CD96: variants seen among roughly 807,000 people sequenced by gnomAD.
The protein encoded by CD96 is T-cell surface protein tactile.
A neutral mutation model predicts 71.3 loss-of-function variants in CD96; 70 were observed. The observed-to-expected ratio is 0.98, with a 90% CI of 0.81 to 1.20. The LOEUF is 1.20. CD96 is among the 50% of genes most tolerant of loss of function. CD96 has a pLI of 0.00. For synonymous variants in CD96, 248 were observed against 233.0 expected, an observed-to-expected ratio of 1.06 and a Z score of -0.59; for missense variants, 742 against 677.5, an observed-to-expected ratio of 1.10 and a Z score of -1.06.
At chr3:111,602,590 T>A (rs1445481573) in intron 7 of CD96, among the ~76,000 whole-genome samples, 1 of 152,224 alleles carries the variant, frequency 6.6e-6, no homozygotes, top group African/African-American at 2.4e-5. Context: ...GAAGATGTAG[T>A]CAAGGCTCTA....
At chr3:111,664,809 T>C (rs1940442612) in intron 14 of CD96, among the ~76,000 whole-genome samples, 1 of 152,186 alleles carries the variant, frequency 6.6e-6, no homozygotes, top group African/African-American at 2.4e-5. Flanking sequence ...TAACTCTAGA[T>C]TGAATCCTGT....
intron 10 of CD96, among the ~76,000 whole-genome samples, chr3:111,636,786 G>T (rs1939349265): frequency 6.6e-6 from 1 of 152,186 alleles, no homozygotes; most frequent in Non-Finnish European, 1.5e-5. Context: ...CGTCCCCTAT[G>T]CATGTTCTAG....
Position 111,567,598 on chromosome 3 carries a change from A to C in CD96, c.494A>C (p.Gln165Pro). Residue 165 changes from glutamine (Q) to proline (P), a missense_variant, in exon 3 of 14, where the codon CAA becomes CCA. Transcript: ENST00000352690. ...CAGACTCTGGAAATACCATGCTTTC[A>C]AAATAGCTCCTCAAAAATTTCATCT... ...INQTLEIPCF[Q>P]NSSSKISSEF... 6.2e-7 allele frequency: 1 copy of C among 1,612,554 alleles called. No individual in the cohort carries two copies. Among genetic ancestry groups the C allele is most frequent in the Non-Finnish European group, 8.5e-7 (1 of 1,178,530 alleles).
intron 8 of CD96, among the ~76,000 whole-genome samples, chr3:111,614,323 G>A (rs1025823145): frequency 6.6e-6 from 1 of 152,086 alleles, no homozygotes; most frequent in African/African-American, 2.4e-5. Flanking sequence ...CCCTCTTTAT[G>A]GGGAATGGCG....
chr3:111,585,857 A>G (rs1238568830), intron 5 of CD96, among the ~76,000 whole-genome samples: 2 of 152,098 alleles, frequency 1.3e-5, no homozygotes, highest in Non-Finnish European at 2.9e-5. Context: ...CTTTGGTAGT[A>G]ATGAAGAAGG....
intron 5 of CD96, chr3:111,593,470 T>G: frequency 6.7e-7 from 1 of 1,486,354 alleles, no homozygotes; most frequent in Non-Finnish European, 8.9e-7. Flanking sequence ...TGCTTTACAT[T>G]TGAGTTGAAA....
chr3:111,624,244 C>A, intron 9 of CD96, 89 bp from the exon 10 acceptor site: 1 of 877,790 alleles, frequency 1.1e-6, no homozygotes, highest in South Asian at 1.3e-5. Flanking sequence ...TCCCCAAAGT[C>A]ACATAGATTA....
At chr3:111,580,859 T>C (rs1303307809) in intron 4 of CD96, among the ~76,000 whole-genome samples, 2 of 152,208 alleles carry the variant, frequency 1.3e-5, no homozygotes, top group South Asian at 2.1e-4. Context: ...ACTGTCTTAG[T>C]GCAAACATGA....
intron 14 of CD96, among the ~76,000 whole-genome samples, chr3:111,660,623 A>C (rs1030538673): frequency 2.0e-5 from 3 of 152,266 alleles, no homozygotes; most frequent in Non-Finnish European, 1.5e-5. Context: ...AAATTATACT[A>C]TAAAGCTACA....
intron 4 of CD96, among the ~76,000 whole-genome samples, chr3:111,583,563 G>T (rs1293483682): frequency 6.6e-6 from 1 of 152,252 alleles, no homozygotes; most frequent in African/African-American, 2.4e-5. Flanking sequence ...CTTTTGCTGG[G>T]TATTCAGACA....
At chr3:111,601,795 C>T (rs1440856706) in intron 7 of CD96, among the ~76,000 whole-genome samples, 2 of 152,158 alleles carry the variant, frequency 1.3e-5, no homozygotes, top group Non-Finnish European at 2.9e-5. Context: ...AACAGTTTTT[C>T]TTTGTTACAA....
At chr3:111,586,234 A>G (rs1936707308) in intron 5 of CD96, among the ~76,000 whole-genome samples, 1 of 152,190 alleles carries the variant, frequency 6.6e-6, no homozygotes. Context: ...TAAAAACCCT[A>G]AGTAAAAAAT....
intron 2 of CD96, among the ~76,000 whole-genome samples, chr3:111,566,674 A>G (rs547639645): frequency 6.6e-6 from 1 of 152,296 alleles, no homozygotes; most frequent in South Asian, 2.1e-4. Flanking sequence ...ATGTATGTAT[A>G]TAAAACTTTC....
At chr3:111,549,354 A>G (rs1934578562) in intron 2 of CD96, among the ~76,000 whole-genome samples, 1 of 152,208 alleles carries the variant, frequency 6.6e-6, no homozygotes, top group Admixed American at 6.6e-5. Context: ...ATTACAGGTG[A>G]GGCAGTTGAC....
chr3:111,564,640 G>A (rs1040461588), intron 2 of CD96, among the ~76,000 whole-genome samples: 5 of 152,010 alleles, frequency 3.3e-5, no homozygotes, highest in East Asian at 3.9e-4. Flanking sequence ...CTTTGTTGTC[G>A]TGTCTTGATA....
chr3:111,620,013 C>A (rs937536937), intron 8 of CD96, among the ~76,000 whole-genome samples: 4 of 152,324 alleles, frequency 2.6e-5, no homozygotes, highest in Middle Eastern at 3.4e-3. Context: ...AAAAGCCCAG[C>A]CCTGGAATGG....
intron 10 of CD96, among the ~76,000 whole-genome samples, chr3:111,627,627 T>C (rs1462622110): frequency 1.3e-5 from 2 of 152,176 alleles, no homozygotes; most frequent in Admixed American, 1.3e-4. Flanking sequence ...ATCTCCAACA[T>C]AGCACAGCTG....
intron 9 of CD96, among the ~76,000 whole-genome samples, 158 bp from the exon 10 acceptor site, chr3:111,624,175 T>TTAAACATAAACATA: frequency 1.3e-5 from 2 of 152,350 alleles, no homozygotes; most frequent in East Asian, 3.9e-4. Context: ...CTACAGAGCT[T>TTAAACATAAACATA]TTGCTTAATA....
rs1576364597 is a variant in CD96, at chr3:111,594,227, T to C, written c.808-3893T>C. 3.2e-6 allele frequency: 5 copies of C among 1,561,620 alleles called. No homozygotes were observed. The South Asian group carries it at 4.9e-5, about 15-fold the overall frequency. On this transcript the variant is annotated intron_variant, in intron 5 of 13. Coordinates refer to ENST00000352690, the MANE Select transcript of CD96 (RefSeq NM_005816.5). ...GTCACCTCTTCTACAGCGTTCTTTA[T>C]GATGTGCTTAGATGTGAGCCAAAAG...
Sources: gnomAD v4.1 joint callset for allele counts (sites outside exome capture counted in the v4.1 genomes callset) on GRCh38, gnomAD v4.1.1 for gene constraint, MANE v1.5 for transcripts, NCBI Gene and HGNC (gene_info 2026-07-23, HGNC 2026-07-21) for gene names.